The following ARHGEF3 variants were observed in gnomAD, a reference collection of about 807,000 sequenced individuals.
The protein encoded by ARHGEF3 is 59.8 kDA protein.
In ARHGEF3, 28 loss-of-function variants were observed where a neutral mutation model predicts 63.2. The ratio of observed to expected loss-of-function variants is 0.44; its 90% CI spans 0.33 to 0.61. The LOEUF (loss-of-function observed/expected upper bound fraction) is 0.61, where lower values mean the gene tolerates loss of function less well. Among genes scored for constraint, ARHGEF3 ranks in the 20% least tolerant of loss-of-function variants. ARHGEF3 has a pLI of 0.03. For synonymous variants in ARHGEF3, 266 were observed against 254.2 expected, an observed-to-expected ratio of 1.05 and a Z score of -0.44; for missense variants, 533 against 659.3, an observed-to-expected ratio of 0.81 and a Z score of 2.10.
intron 8 of ARHGEF3, 56 bp from the exon 9 acceptor site, chr3:56,732,480 T>TA (rs2033241274): frequency 1.9e-6 from 3 of 1,588,358 alleles, no homozygotes; most frequent in Non-Finnish European, 2.6e-6. Context: ...GAGTGGTTGA[T>TA]ATGTGGACCT....
chr3:56,786,348 G>C (rs2036810274), intron 1 of ARHGEF3, among the ~76,000 whole-genome samples: 1 of 152,184 alleles, frequency 6.6e-6, no homozygotes, highest in African/African-American at 2.4e-5. Context: ...TGCTGTTCAG[G>C]AAACTGTGAG....
chr3:56,986,483 G>A (rs1701542367), intron 2 of ARHGEF3, among the ~76,000 whole-genome samples: 1 of 152,206 alleles, frequency 6.6e-6, no homozygotes, highest in Non-Finnish European at 1.5e-5. Context: ...CCAATGTCCT[G>A]GCATGGCTGG....
intron 7 of ARHGEF3, among the ~76,000 whole-genome samples, chr3:56,739,211 C>G (rs996074046): frequency 1.3e-5 from 2 of 152,100 alleles, no homozygotes; most frequent in South Asian, 2.1e-4. Flanking sequence ...GTGGTGGTAA[C>G]TGAAAAGTAC....
chr3:56,968,240 ATATAT>A (rs1470974058), intron 2 of ARHGEF3, among the ~76,000 whole-genome samples: 80 of 45,176 alleles, frequency 1.8e-3, no homozygotes, highest in African/African-American at 5.8e-3. Flanking sequence ...ATATAAATAT[ATATAT>A]TAATATATAA....
chr3:56,898,179 G>GT, intron 3 of ARHGEF3, among the ~76,000 whole-genome samples: 1 of 152,186 alleles, frequency 6.6e-6, no homozygotes, highest in South Asian at 2.1e-4. Flanking sequence ...CACCTGGCCT[G>GT]TATCTATTTT....
intron 2 of ARHGEF3, among the ~76,000 whole-genome samples, chr3:57,005,490 C>CA (rs1257501445): frequency 2.0e-5 from 3 of 152,166 alleles, no homozygotes; most frequent in African/African-American, 7.2e-5. Flanking sequence ...GGAGTGTTGC[C>CA]AATGAGAACT....
At chr3:57,069,009 C>A (rs981250474) in intron 1 of ARHGEF3, among the ~76,000 whole-genome samples, 3 of 151,580 alleles carry the variant, frequency 2.0e-5, no homozygotes, top group African/African-American at 7.3e-5. Flanking sequence ...GTAACCTCTG[C>A]CTCCCAGGTT....
intron 3 of ARHGEF3, among the ~76,000 whole-genome samples, chr3:56,934,874 C>T (rs773015503): frequency 1.4e-4 from 21 of 152,260 alleles, no homozygotes; most frequent in Non-Finnish European, 2.8e-4. Context: ...GACTGGCAGC[C>T]AGCTCCACCT....
intron 4 of ARHGEF3, among the ~76,000 whole-genome samples, chr3:56,848,719 C>T (rs1002484360): frequency 2.0e-5 from 3 of 152,134 alleles, no homozygotes; most frequent in African/African-American, 7.2e-5. Context: ...CAGGCTAGAG[C>T]GCAATGGTGT....
At chr3:56,884,509 G>A (rs915610625) in intron 3 of ARHGEF3, among the ~76,000 whole-genome samples, 4 of 152,224 alleles carry the variant, frequency 2.6e-5, no homozygotes, top group African/African-American at 4.8e-5. Context: ...GTGGTGCAGC[G>A]TGCAGCAGAA....
At chr3:56,881,934 C>T (rs963267652) in intron 4 of ARHGEF3, among the ~76,000 whole-genome samples, 1 of 152,226 alleles carries the variant, frequency 6.6e-6, no homozygotes, top group African/African-American at 2.4e-5. Context: ...TGAGCTGGGC[C>T]AAGCCACTAA....
At chr3:56,893,977 G>T (rs2041213318) in intron 3 of ARHGEF3, among the ~76,000 whole-genome samples, 1 of 152,112 alleles carries the variant, frequency 6.6e-6, no homozygotes, top group African/African-American at 2.4e-5. Context: ...GCTGCTCTAG[G>T]AGTATCAGAA....
chr3:57,052,620 C>A (rs976835250), intron 1 of ARHGEF3, among the ~76,000 whole-genome samples: 2 of 152,146 alleles, frequency 1.3e-5, no homozygotes, highest in African/African-American at 4.8e-5. Flanking sequence ...TTAACCCTTA[C>A]ACTTTCCTCA....
rs1256418499 is a variant in ARHGEF3, at chr3:56,952,410, A to G, written c.129+6413T>C. On this transcript the variant is annotated intron_variant, in intron 3 of 12. Transcript: ENST00000338458. ...AGATGAAACTCTAGCCCTGACTGAC[A>G]GCTTGATTTCAGTCTCAGGAGATCT... Among the ~76,000 whole-genome samples, 4 of 152,334 alleles carry G rather than the reference A, an allele frequency of 2.6e-5. No homozygotes were observed. In the East Asian group the frequency reaches 7.7e-4, roughly 29 times the overall value.
intron 2 of ARHGEF3, among the ~76,000 whole-genome samples, chr3:57,000,290 CT>C (rs1362559529): frequency 8.1e-6 from 1 of 123,752 alleles, no homozygotes; most frequent in East Asian, 2.1e-4. Context: ...TTGTAAAGTC[CT>C]TTTTTTAGAG....
chr3:56,998,752 C>T (rs1302101440), intron 2 of ARHGEF3, among the ~76,000 whole-genome samples: 1 of 152,200 alleles, frequency 6.6e-6, no homozygotes, highest in Non-Finnish European at 1.5e-5. Flanking sequence ...TCCTTTCCCC[C>T]TACTGTGGAA....
intron 4 of ARHGEF3, among the ~76,000 whole-genome samples, chr3:56,877,045 C>T (rs2040607804): frequency 6.6e-6 from 1 of 152,244 alleles, no homozygotes; most frequent in African/African-American, 2.4e-5. Context: ...TTCCACTTCA[C>T]TGCCAGAAGC....
At position 56,729,501 on chromosome 3, in the gene ARHGEF3, TG is replaced by T. The variant is rs746888681; in HGVS notation, c.1349del (p.Thr450LysfsTer19). 3.7e-6 allele frequency: 6 copies of T among 1,614,122 alleles called. No homozygotes were observed. In the African/African-American group the frequency reaches 8.0e-5, roughly 22 times the overall value. The stretch of plus-strand genomic sequence containing the variant: ...CAGCTTGCCCGGCAGCACACAAAAC[TG>T]TTTCTTTGGCTTGACGAATACAGTT... ...WLNCIRQAKE[T>X]VLCAAGQAGV... On this transcript the variant is annotated frameshift_variant, in exon 10 of 10. Transcript: ENST00000296315. LOFTEE classifies it high-confidence loss of function.
chr3:56,855,155 G>C (rs2039823901), intron 4 of ARHGEF3, among the ~76,000 whole-genome samples: 1 of 152,036 alleles, frequency 6.6e-6, no homozygotes, highest in Non-Finnish European at 1.5e-5. Context: ...GGAGAGGAGG[G>C]AGAGAGGTGA....
Sources: gnomAD v4.1 joint callset for allele counts (sites outside exome capture counted in the v4.1 genomes callset) on GRCh38, gnomAD v4.1.1 for gene constraint, MANE v1.5 for transcripts, NCBI Gene and HGNC (gene_info 2026-07-23, HGNC 2026-07-21) for gene names.